The following PCTP variants were observed in gnomAD, a reference collection of about 807,000 sequenced individuals.
PCTP encodes phosphatidylcholine transfer protein.
Under a neutral mutation model 31.0 loss-of-function variants are expected in PCTP, and 27 were observed. That is an observed-to-expected ratio of 0.87 (90% CI 0.64 to 1.20). PCTP has a LOEUF of 1.20. PCTP is among the 50% of genes most tolerant of loss of function. The probability of loss-of-function intolerance (pLI) is 0.00; values close to 1 mark genes in which losing one functional copy is unlikely to be tolerated. For synonymous variants in PCTP, 108 were observed against 101.2 expected (o/e 1.07, Z -0.40); for missense variants, 287 against 268.2 (o/e 1.07, Z -0.49).
At chr17:55,788,365 T>A (rs1394599399) in intron 3 of PCTP, among the ~76,000 whole-genome samples, 1 of 152,194 alleles carries the variant, frequency 6.6e-6, no homozygotes, top group Non-Finnish European at 1.5e-5. Context: ...TGGAACACCT[T>A]CTCCTATGTT....
intron 5 of PCTP, chr17:55,775,563 A>G: frequency 8.7e-7 from 1 of 1,155,762 alleles, no homozygotes; most frequent in South Asian, 4.6e-5. Flanking sequence ...GATGTCTTCT[A>G]CTGCATAGAG....
At chr17:55,789,039 T>C (rs1035367067) in intron 3 of PCTP, among the ~76,000 whole-genome samples, 1 of 152,224 alleles carries the variant, frequency 6.6e-6, no homozygotes, top group African/African-American at 2.4e-5. Context: ...ATTTAATGTA[T>C]TTGAGCCTCG....
At chr17:55,781,451 A>T (rs1244904600), downstream of PCTP, among the ~76,000 whole-genome samples, 1 of 152,270 alleles carries the variant, frequency 6.6e-6, no homozygotes. Context: ...GCACCTTCAG[A>T]TTGGAGCTAC....
exon 3 of PCTP, chr17:55,787,616 A>G (rs1250676744): frequency 6.6e-6 from 1 of 152,142 alleles, no homozygotes; most frequent in Non-Finnish European, 1.5e-5. Context: ...CGGCCTCTCA[A>G]AGTGCTGGGA....
At chr17:55,770,714 CTT>C (rs34971113) in intron 2 of PCTP, 12 of 143,078 alleles carry the variant, frequency 8.4e-5, no homozygotes, top group South Asian at 2.2e-4. Flanking sequence ...AAGAGGTCAT[CTT>C]TTTTTTTTTT....
chr17:55,794,581 T>C lies in PCTP; in HGVS notation c.317+6927T>C, dbSNP rs151197368. ...ATAGGAATTCTTAAGTTATGGGTTA[T>C]ATGCAATTTAAATTATAAAAGAAGC... is the stretch of plus-strand genomic sequence containing the variant. On this transcript the variant is annotated intron_variant, in intron 3 of 3. Coordinates refer to the PCTP transcript ENST00000572536. Among the ~76,000 whole-genome samples, 232 of 152,156 alleles carry C rather than the reference T, an allele frequency of 1.5e-3. 1 individual carries two copies. The highest frequency in any genetic ancestry group is 5.2e-3 in the African/African-American group (217 of 41,552).
intron 3 of PCTP, among the ~76,000 whole-genome samples, chr17:55,808,058 G>T (rs1406742555): frequency 6.6e-6 from 1 of 152,116 alleles, no homozygotes; most frequent in Non-Finnish European, 1.5e-5. Flanking sequence ...CCCAAGTCTT[G>T]TGATAGCTTT....
At chr17:55,775,856 T>C in intron 5 of PCTP, 179 bp from the exon 6 acceptor site, 1 of 1,354,108 alleles carries the variant, frequency 7.4e-7, no homozygotes, top group Non-Finnish European at 9.5e-7. Flanking sequence ...TGGTCTTACT[T>C]TTGTCCTCAG....
intron 3 of PCTP, among the ~76,000 whole-genome samples, chr17:55,792,772 A>G (rs963229965): frequency 1.6e-4 from 25 of 152,260 alleles, no homozygotes; most frequent in African/African-American, 5.8e-4. Flanking sequence ...TTACTCACTC[A>G]CATGCAGTAT....
intron 1 of PCTP, chr17:55,751,563 A>T: frequency 7.3e-7 from 1 of 1,367,806 alleles, no homozygotes; most frequent in South Asian, 1.3e-5. Context: ...ACACGTCTGC[A>T]AGGGACGTTG....
chr17:55,816,512 T>TG (rs906979459), intron 3 of PCTP, among the ~76,000 whole-genome samples: 2 of 152,142 alleles, frequency 1.3e-5, no homozygotes, highest in African/African-American at 4.8e-5. Context: ...AGCTCATGAG[T>TG]GGGTAACTGG....
downstream of PCTP, among the ~76,000 whole-genome samples, chr17:55,780,481 A>G (rs1911522646): frequency 6.6e-6 from 1 of 152,150 alleles, no homozygotes. Context: ...TTTTCCTTCC[A>G]TCCGATGGTG....
intron 5 of PCTP, among the ~76,000 whole-genome samples, chr17:55,839,919 CAA>C (rs57402824): frequency 1.7e-3 from 21 of 12,498 alleles, no homozygotes; most frequent in African/African-American, 5.5e-3. Context: ...GACTCAGTCT[CAA>C]AAAAAAAAAA....
At chr17:55,751,576 C>A in intron 1 of PCTP, 1 of 1,298,168 alleles carries the variant, frequency 7.7e-7, no homozygotes, top group Non-Finnish European at 1.0e-6. Flanking sequence ...GGACGTTGAT[C>A]CTCACTCTCC....
intron 3 of PCTP, among the ~76,000 whole-genome samples, chr17:55,789,328 T>C (rs2145001412): frequency 6.6e-6 from 1 of 152,316 alleles, no homozygotes; most frequent in Non-Finnish European, 1.5e-5. Context: ...GTTTAGCAAA[T>C]ATGGTATCAG....
At chr17:55,764,344 G>A (rs1183842733) in intron 1 of PCTP, among the ~76,000 whole-genome samples, 5 of 152,198 alleles carry the variant, frequency 3.3e-5, no homozygotes, top group South Asian at 4.1e-4. Flanking sequence ...GTGTGTATGA[G>A]TGTAAATGTG....
chr17:55,809,345 A>G (rs1267202330), intron 3 of PCTP, among the ~76,000 whole-genome samples: 1 of 152,138 alleles, frequency 6.6e-6, no homozygotes, highest in Non-Finnish European at 1.5e-5. Flanking sequence ...TCTGTATACT[A>G]TACCCCTTAA....
intron 5 of PCTP, among the ~76,000 whole-genome samples, chr17:55,828,774 A>G (rs1905489525): frequency 6.6e-6 from 1 of 152,184 alleles, no homozygotes; most frequent in African/African-American, 2.4e-5. Context: ...AGGGGGCAAG[A>G]TGAGAGCGTG....
intron 3 of PCTP, among the ~76,000 whole-genome samples, chr17:55,772,315 G>A (rs962287284): frequency 1.3e-5 from 2 of 151,868 alleles, no homozygotes; most frequent in Non-Finnish European, 2.9e-5. Context: ...GACTGAACGC[G>A]GGTGGCTCAC....
Sources: gnomAD v4.1 joint callset for allele counts (sites outside exome capture counted in the v4.1 genomes callset) on GRCh38, gnomAD v4.1.1 for gene constraint, MANE v1.5 for transcripts, NCBI Gene and HGNC (gene_info 2026-07-23, HGNC 2026-07-21) for gene names.